Variants in PTK2B observed in about 807,000 individuals in gnomAD.
The protein encoded by PTK2B is protein-tyrosine kinase 2-beta.
A neutral mutation model predicts 142.9 loss-of-function variants in PTK2B; 71 were observed. The observed-to-expected ratio is 0.50, with a 90% CI of 0.41 to 0.61. The LOEUF (loss-of-function observed/expected upper bound fraction) is 0.61. Among genes scored for constraint, PTK2B ranks in the 20% least tolerant of loss-of-function variants. The pLI is 0.00. For missense variants in PTK2B, 1,105 were observed against 1,320.4 expected (o/e 0.84, Z 2.53); for synonymous variants, 519 against 503.4 (o/e 1.03, Z -0.42).
At chr8:27,383,852 A>ATTTTTTTTTTTTTTTT (rs749255419) in intron 1 of PTK2B, among the ~76,000 whole-genome samples, 24,164 of 111,048 alleles carry the variant, frequency 0.22, 3,942 homozygotes, top group Non-Finnish European at 0.3. Context: ...CACCTGGCTA[A>ATTTTTTTTTTTTTTTT]TTTTTTTTTT....
chr8:27,336,207 G>A (rs892960848), intron 1 of PTK2B, among the ~76,000 whole-genome samples: 48 of 152,318 alleles, frequency 3.2e-4, no homozygotes, highest in Admixed American at 5.2e-4. Context: ...TCTTACCAAA[G>A]AGTAAATGCA....
At chr8:27,366,596 G>T (rs530962629) in intron 1 of PTK2B, among the ~76,000 whole-genome samples, 3 of 152,342 alleles carry the variant, frequency 2.0e-5, no homozygotes, top group African/African-American at 4.8e-5. Context: ...ACCACTTGGC[G>T]TCTAGCTCCC....
intron 1 of PTK2B, among the ~76,000 whole-genome samples, chr8:27,374,314 G>C (rs1806534702): frequency 6.6e-6 from 1 of 152,154 alleles, no homozygotes; most frequent in Admixed American, 6.5e-5. Flanking sequence ...CTTGGGATCT[G>C]TTTTAATCCA....
In PTK2B at chr8:27,426,850, AT is replaced by A. The variant is rs1319307968; in HGVS notation, c.552-3237del. On this transcript the variant is annotated intron_variant, in intron 5 of 30. Coordinates refer to ENST00000346049, the MANE Select transcript of PTK2B (RefSeq NM_173176.3). The stretch of plus-strand genomic sequence containing the variant: ...ACCTTGATCATGCTAAAATGCTCTT[AT>A]TTTTTATGTGACTTAATTGTTCAGT... Among the ~76,000 whole-genome samples the A allele has an allele frequency of 4.6e-5, 7 of 152,260 alleles. No homozygotes were observed. In the South Asian group the frequency reaches 8.3e-4, roughly 18 times the overall value.
chr8:27,451,263 T>C (rs1236216213), intron 26 of PTK2B, among the ~76,000 whole-genome samples, 185 bp downstream of exon 26: 2 of 152,094 alleles, frequency 1.3e-5, no homozygotes, highest in Admixed American at 1.3e-4. Flanking sequence ...TCCTGAACTC[T>C]CCTGTGATCG....
chr8:27,426,807 A>AT (rs1810111877), intron 5 of PTK2B, among the ~76,000 whole-genome samples: 1 of 151,898 alleles, frequency 6.6e-6, no homozygotes, highest in African/African-American at 2.4e-5. Flanking sequence ...CTAATAAAAC[A>AT]TTTTTCCATT....
chr8:27,430,729 T>C, intron 7 of PTK2B, 147 bp from the exon 8 acceptor site: 1 of 1,213,922 alleles, frequency 8.2e-7, no homozygotes, highest in Non-Finnish European at 1.1e-6. Context: ...TGGGTATGGG[T>C]TTTAGGTCAT....
intron 5 of PTK2B, among the ~76,000 whole-genome samples, chr8:27,423,449 A>G (rs1247725710): frequency 6.6e-6 from 1 of 151,866 alleles, no homozygotes; most frequent in Non-Finnish European, 1.5e-5. Context: ...CCCTTGGGAG[A>G]TTTGATTTGG....
At chr8:27,447,584 C>T (rs1312462960) in intron 24 of PTK2B, among the ~76,000 whole-genome samples, 1 of 152,204 alleles carries the variant, frequency 6.6e-6, no homozygotes, top group African/African-American at 2.4e-5. Context: ...CAAGGCCAGG[C>T]GTGGTGGCTC....
chr8:27,423,747 T>A (rs935439440), intron 5 of PTK2B, among the ~76,000 whole-genome samples: 9 of 152,108 alleles, frequency 5.9e-5, no homozygotes, highest in Non-Finnish European at 1.2e-4. Context: ...TGGGGAGTCC[T>A]CCGGTGGGGC....
intron 1 of PTK2B, among the ~76,000 whole-genome samples, chr8:27,383,441 T>A (rs1338713949): frequency 6.6e-6 from 1 of 152,064 alleles, no homozygotes; most frequent in Admixed American, 6.5e-5. Flanking sequence ...AGACGGGGTG[T>A]CACCACGTTG....
chr8:27,425,534 G>T (rs2131924128), intron 5 of PTK2B, among the ~76,000 whole-genome samples: 1 of 152,036 alleles, frequency 6.6e-6, no homozygotes, highest in Admixed American at 6.5e-5. Context: ...CCCCACACAT[G>T]CACAGCCTCC....
chr8:27,378,762 C>A (rs1381065971), intron 1 of PTK2B, among the ~76,000 whole-genome samples: 3 of 152,098 alleles, frequency 2.0e-5, no homozygotes, highest in Admixed American at 2.0e-4. Context: ...CTACTCCCAC[C>A]TGCTTCATCT....
intron 1 of PTK2B, among the ~76,000 whole-genome samples, chr8:27,347,602 G>C (rs1327881998): frequency 1.3e-5 from 2 of 152,120 alleles, no homozygotes; most frequent in Non-Finnish European, 2.9e-5. Flanking sequence ...GTGTGTGTCT[G>C]TGTCTTAATC....
At chr8:27,392,461 A>G (rs1357796083) in intron 1 of PTK2B, among the ~76,000 whole-genome samples, 3 of 152,020 alleles carry the variant, frequency 2.0e-5, no homozygotes, top group African/African-American at 7.2e-5. Flanking sequence ...CTTACGAGGA[A>G]CTCTCACTTA....
At chr8:27,441,982 T>A (rs1243011428) in intron 21 of PTK2B, among the ~76,000 whole-genome samples, 1 of 152,086 alleles carries the variant, frequency 6.6e-6, no homozygotes, top group Non-Finnish European at 1.5e-5. Flanking sequence ...TCTGGTGTGA[T>A]CTGGAAAACA....
intron 1 of PTK2B, among the ~76,000 whole-genome samples, chr8:27,338,433 A>G (rs1342431928): frequency 6.6e-6 from 1 of 152,144 alleles, no homozygotes; most frequent in East Asian, 1.9e-4. Context: ...GACAAATTGG[A>G]TGCAATATAT....
chr8:27,315,306 C>T (rs543535221), intron 3 of PTK2B, among the ~76,000 whole-genome samples: 40 of 152,254 alleles, frequency 2.6e-4, no homozygotes, highest in African/African-American at 9.6e-4. Context: ...CACTTGCATG[C>T]TAGGTGATTC....
upstream of PTK2B, chr8:27,311,315 G>T: frequency 7.1e-7 from 1 of 1,416,134 alleles, no homozygotes; most frequent in Non-Finnish European, 9.3e-7. Context: ...CCCGCGACCC[G>T]AGTGCTGGGA....
Sources: allele counts gnomAD v4.1 joint callset (sites outside exome capture counted in the v4.1 genomes callset), GRCh38; gene constraint gnomAD v4.1.1; transcripts MANE v1.5; gene names NCBI Gene and HGNC (gene_info 2026-07-23, HGNC 2026-07-21).